Variants in FAM83B observed in about 807,000 individuals in gnomAD.
FAM83B encodes protein FAM83B.
FAM83B carries 26 observed loss-of-function variants against 38.8 expected under a neutral mutation model. That is an observed-to-expected ratio of 0.67 (90% CI 0.49 to 0.93). The LOEUF (loss-of-function observed/expected upper bound fraction) is 0.93. FAM83B is among the 40% of genes least tolerant of loss of function. The probability of loss-of-function intolerance (pLI) is 0.00; values close to 1 mark genes in which losing one functional copy is unlikely to be tolerated. For synonymous variants in FAM83B, 419 were observed against 423.1 expected, an observed-to-expected ratio of 0.99 and a Z score of 0.12; for missense variants, 1,237 against 1,197.3, an observed-to-expected ratio of 1.03 and a Z score of -0.49.
intron 1 of FAM83B, among the ~76,000 whole-genome samples, chr6:54,854,929 A>C (rs1253587275): frequency 6.6e-6 from 1 of 152,166 alleles, no homozygotes; most frequent in Non-Finnish European, 1.5e-5. Flanking sequence ...CCTTTTCTTC[A>C]CAATGGAACA....
intron 4 of FAM83B, among the ~76,000 whole-genome samples, chr6:54,933,768 G>T (rs2127590217): frequency 6.6e-6 from 1 of 152,212 alleles, no homozygotes; most frequent in East Asian, 1.9e-4. Flanking sequence ...TATTTTCAAT[G>T]ATTTCTAAAC....
chr6:54,860,880 C>A (rs1029790094), intron 1 of FAM83B, among the ~76,000 whole-genome samples: 1 of 152,164 alleles, frequency 6.6e-6, no homozygotes, highest in Non-Finnish European at 1.5e-5. Flanking sequence ...CTCTTGTGTA[C>A]ATGTTCACAG....
chr6:54,932,007 C>T (rs1212471161), intron 4 of FAM83B, among the ~76,000 whole-genome samples: 9 of 89,196 alleles, frequency 1.0e-4, no homozygotes, highest in South Asian at 4.0e-4. Flanking sequence ...TTACATAAAA[C>T]TTTTTTTTTT....
chr6:54,941,169 C>G lies in FAM83B; in HGVS notation c.2198C>G (p.Thr733Ser). 1 of 1,614,028 alleles carries G rather than the reference C, an allele frequency of 6.2e-7. No individual in the cohort carries two copies. Among genetic ancestry groups the G allele is most frequent in the Non-Finnish European group, 8.5e-7 (1 of 1,179,988 alleles). Residue 733 changes from threonine to serine, a missense_variant, in exon 5 of 5, where the codon ACT (threonine) becomes AGT (serine). Thr to Ser is a moderately conservative substitution (Grantham distance 58). Coordinates refer to ENST00000306858, the MANE Select transcript of FAM83B (RefSeq NM_001010872.3). ...EVTKRNSPSG[T>S]TTKSVSIAAL... Reference sequence around the variant, plus strand: ...ACCAAGAGAAACTCTCCAAGTGGCACTACTACCAAATCAGTTTCCATTGCT... The same window carrying G: ...ACCAAGAGAAACTCTCCAAGTGGCAGTACTACCAAATCAGTTTCCATTGCT...
In FAM83B at chr6:54,913,854, A is replaced by G. The variant is rs534348272; in HGVS notation, c.445-12517A>G. On this transcript the variant is annotated intron_variant, in intron 2 of 4. Transcript: ENST00000306858. ...CCTTAAAGCAAATTTCATGCATCAT[A>G]TATTTTTAATTTCATCTGAATTGTT... Among the ~76,000 whole-genome samples the G allele has an allele frequency of 6.6e-4, 100 of 152,038 alleles. 2 individuals are homozygous for G. The South Asian group carries it at 0.019, about 29-fold the overall frequency.
chr6:54,872,729 T>A (rs542904505), intron 2 of FAM83B, among the ~76,000 whole-genome samples: 8 of 152,330 alleles, frequency 5.3e-5, no homozygotes, highest in Non-Finnish European at 5.9e-5. Context: ...TAATATCTTC[T>A]ACCCGGTCAC....
At chr6:54,898,737 G>A (rs1245003925) in intron 2 of FAM83B, among the ~76,000 whole-genome samples, 1 of 151,910 alleles carries the variant, frequency 6.6e-6, no homozygotes, top group Non-Finnish European at 1.5e-5. Flanking sequence ...CCAAAGTTTT[G>A]TCAAGACCTG....
intron 4 of FAM83B, 23 bp downstream of exon 4, chr6:54,927,655 C>A: frequency 7.0e-7 from 1 of 1,423,720 alleles, no homozygotes; most frequent in South Asian, 1.5e-5. Flanking sequence ...TGTTTAACTT[C>A]AGTGTTATCA....
rs1351682782 is a variant in FAM83B at position 54,941,880 on chromosome 6, A to G, written c.2909A>G (p.Asn970Ser). The G allele has an allele frequency of 6.2e-7, 1 of 1,614,032 alleles. No homozygotes were observed. Among genetic ancestry groups the G allele is most frequent in the East Asian group, 2.2e-5 (1 of 44,884 alleles). Residue 970 changes from asparagine (N) to serine (S), a missense_variant, in exon 5 of 5, where the codon AAC (asparagine) becomes AGC (serine). Transcript: ENST00000306858. ...RPEIKSATMG[N>S]SYGRSSPLLN... ...GAAATAAAATCTGCGACTATGGGCAACAGTTATGGCAGGTCTAGTCCATTG... is the reference window on the plus strand; with the variant it reads ...GAAATAAAATCTGCGACTATGGGCAGCAGTTATGGCAGGTCTAGTCCATTG...
chr6:54,940,512 CAGCTTT>C lies in FAM83B; in HGVS notation c.1544_1549del (p.Ala515_Leu516del), dbSNP rs1561932803. 6.2e-7 allele frequency: 1 copy of C among 1,614,088 alleles called. No individual in the cohort carries two copies. On this transcript the variant is annotated inframe_deletion, in exon 5 of 5. Transcript: ENST00000306858. The stretch of plus-strand genomic sequence containing the variant: ...GAAGCTACACCGGACTCAAATGGAT[CAGCTTT>C]AGGTGACCGATTTGAGGGCTATGAT...
chr6:54,927,479 G>T, intron 3 of FAM83B, 29 bp from the exon 4 acceptor site: 1 of 1,510,982 alleles, frequency 6.6e-7, no homozygotes. Flanking sequence ...TAGCCATAAT[G>T]TCTGCTTTTT....
intron 2 of FAM83B, among the ~76,000 whole-genome samples, chr6:54,890,126 C>A (rs527625233): frequency 5.9e-5 from 9 of 152,066 alleles, no homozygotes; most frequent in Non-Finnish European, 1.0e-4. Flanking sequence ...TATTGTAGAA[C>A]ACATAGGTTT....
At chr6:54,857,870 G>T (rs1183841693) in intron 1 of FAM83B, among the ~76,000 whole-genome samples, 1 of 152,106 alleles carries the variant, frequency 6.6e-6, no homozygotes, top group Non-Finnish European at 1.5e-5. Context: ...AGAGAAGGTG[G>T]CATATGGATA....
intron 1 of FAM83B, among the ~76,000 whole-genome samples, 180 bp downstream of exon 1, chr6:54,847,006 A>T (rs1771154913): frequency 6.6e-6 from 1 of 152,102 alleles, no homozygotes; most frequent in Admixed American, 6.5e-5. Flanking sequence ...GAAATTCCAC[A>T]GGGTGTAAAG....
chr6:54,857,249 C>T lies in FAM83B; in HGVS notation c.-61+10423C>T, dbSNP rs994497568. 2.6e-5 allele frequency among the ~76,000 whole-genome samples: 4 copies of T among 152,178 alleles called. 1 individual carries two copies. In the East Asian group the frequency reaches 7.7e-4, roughly 29 times the overall value. On this transcript the variant is annotated intron_variant, in intron 1 of 4. Coordinates refer to ENST00000306858, the MANE Select transcript of FAM83B (RefSeq NM_001010872.3). ...TATCATTTTTCCTACAGCATTTACT[C>T]TGCAAATGTCAGCATGCACCAAGAG...
At position 54,855,194 on chromosome 6, in the gene FAM83B, T is replaced by C. The variant is rs186481708; in HGVS notation, c.-61+8368T>C. The stretch of plus-strand genomic sequence containing the variant: ...ATATTGACATGCTGGCAGCCCCATG[T>C]ACAGTAAAATGAAATACTTAGTAAT... On this transcript the variant is annotated intron_variant, in intron 1 of 4. Coordinates refer to ENST00000306858, the MANE Select transcript of FAM83B (RefSeq NM_001010872.3). Among the ~76,000 whole-genome samples the C allele has an allele frequency of 3.6e-3, 542 of 152,338 alleles. 3 individuals carry two copies. The highest frequency in any genetic ancestry group is 0.012 in the African/African-American group (514 of 41,582).
At chr6:54,922,895 T>C (rs1773201879) in intron 2 of FAM83B, among the ~76,000 whole-genome samples, 1 of 152,090 alleles carries the variant, frequency 6.6e-6, no homozygotes, top group South Asian at 2.1e-4. Flanking sequence ...TCTTTACAAT[T>C]TTTGTTTTCT....
At chr6:54,915,836 A>AAAAAAC (rs1773024766) in intron 2 of FAM83B, among the ~76,000 whole-genome samples, 1 of 89,906 alleles carries the variant, frequency 1.1e-5, no homozygotes. Flanking sequence ...AAAAAAAAAA[A>AAAAAAC]AGAAACTCAC....
At chr6:54,890,655 C>T (rs1772379198) in intron 2 of FAM83B, among the ~76,000 whole-genome samples, 1 of 152,158 alleles carries the variant, frequency 6.6e-6, no homozygotes, top group South Asian at 2.1e-4. Flanking sequence ...CCTGCCCTCC[C>T]CTCATCTTCC....
Sources: gnomAD v4.1 joint callset for allele counts (sites outside exome capture counted in the v4.1 genomes callset) on GRCh38, gnomAD v4.1.1 for gene constraint, MANE v1.5 for transcripts, NCBI Gene and HGNC (gene_info 2026-07-23, HGNC 2026-07-21) for gene names.